The following C2CD2 variants were observed in gnomAD, a reference collection of about 807,000 sequenced individuals.
C2CD2 encodes the protein C2 calcium dependent domain containing 2, also known as C2 domain-containing protein 2.
In C2CD2, 43 loss-of-function variants were observed where a neutral mutation model predicts 74.3. That is an observed-to-expected ratio of 0.58 (90% CI 0.45 to 0.75). The LOEUF (loss-of-function observed/expected upper bound fraction) is 0.75. Ranked by LOEUF, C2CD2 falls within the 30% of genes least tolerant of loss-of-function variation. The pLI, the probability that C2CD2 is intolerant of heterozygous loss-of-function variation, is 0.00. For synonymous variants in C2CD2, 422 were observed against 390.7 expected (o/e 1.08, Z -0.94); for missense variants, 801 against 916.3 (o/e 0.87, Z 1.63).
rs2065243955 is a variant in C2CD2 at position 41,929,358 on chromosome 21, G to A, written c.379-7273C>T. ...GATACAAGCTCTATACCCAGGGCCT[G>A]GGCACACCTGATGCCATCACATGCC... On this transcript the variant is annotated intron_variant, in intron 2 of 13. Transcript: ENST00000380486. This position sits in a 1 kb window ranked among gnomAD's most constrained non-coding sequence, Gnocchi z 4.6. 2.0e-5 allele frequency among the ~76,000 whole-genome samples: 3 copies of A among 152,188 alleles called. No homozygotes were observed. In the South Asian group the frequency reaches 6.2e-4, roughly 31 times the overall value.
chr21:41,948,107 A>C (rs2065417371), intron 1 of C2CD2, among the ~76,000 whole-genome samples: 1 of 152,200 alleles, frequency 6.6e-6, no homozygotes, highest in South Asian at 2.1e-4. Flanking sequence ...GCCTCCTTTA[A>C]TGTTGATGCT....
rs2065470837 is a variant in C2CD2, at chr21:41,953,761, G to A, written c.-113C>T. On this transcript the variant is annotated 5_prime_UTR_variant, in exon 1 of 14. Coordinates refer to ENST00000380486, the MANE Select transcript of C2CD2 (RefSeq NM_015500.2). ...AGCGCGCTGGGGGCGTGGAGGGGGC[G>A]CGGCGGGGTCGGAGCCCGGCGAGGA... The A allele has an allele frequency of 2.4e-5, 25 of 1,040,462 alleles. No individual in the cohort carries two copies. The highest frequency in any genetic ancestry group is 4.4e-5 in the Admixed American group (1 of 22,524). The allele number at this position is 1,040,462 out of a possible 1,614,324, so 64.5% of individuals were successfully genotyped here.
At chr21:41,932,008 C>T (rs2065266626) in intron 2 of C2CD2, among the ~76,000 whole-genome samples, 1 of 130,714 alleles carries the variant, frequency 7.7e-6, no homozygotes, top group East Asian at 2.3e-4. Flanking sequence ...ATCCCACCTC[C>T]CCACCTCCAG....
At chr21:41,918,335 T>A in intron 4 of C2CD2, 108 bp from the exon 5 acceptor site, 2 of 1,049,708 alleles carry the variant, frequency 1.9e-6, no homozygotes, top group South Asian at 1.6e-5. Context: ...AGGAAGGAAA[T>A]TACCTTCAGA....
At chr21:41,891,875 ACCT>A (rs749169095) in intron 13 of C2CD2, among the ~76,000 whole-genome samples, 17 of 151,658 alleles carry the variant, frequency 1.1e-4, no homozygotes, top group Admixed American at 4.6e-4. Flanking sequence ...CTCCTGCTCC[ACCT>A]CCAAAGTCCA....
chr21:41,906,665 C>G (rs1481091464), intron 10 of C2CD2, among the ~76,000 whole-genome samples: 1 of 152,202 alleles, frequency 6.6e-6, no homozygotes, highest in Non-Finnish European at 1.5e-5. Flanking sequence ...GCACCCAGCC[C>G]TATCATTGAG....
intron 2 of C2CD2, among the ~76,000 whole-genome samples, chr21:41,938,928 G>A (rs2065332187): frequency 6.6e-6 from 1 of 152,050 alleles, no homozygotes; most frequent in Non-Finnish European, 1.5e-5. Context: ...ATATTTAGTA[G>A]AGATGGGGTT....
Position 41,899,212 on chromosome 21 carries a change from C to T in C2CD2, c.1711G>A (p.Ala571Thr). The stretch of plus-strand genomic sequence containing the variant: ...AGCTCGTCCTCCTGGGGCTTGGGGG[C>T]AAGGGATGCCTGGGCTGACTCGGCT... ...EEAESAQASL[A>T]PKPQEDELDS... Residue 571 changes from alanine to threonine, a missense_variant, in exon 13 of 14, where the codon GCC (alanine) becomes ACC (threonine). Physicochemically the swap from Ala to Thr is moderately conservative, Grantham distance 58. Transcript: ENST00000380486. This position sits in a 1 kb window ranked among gnomAD's most constrained non-coding sequence, Gnocchi z 4.4. 1 of 1,612,168 alleles carries T rather than the reference C, an allele frequency of 6.2e-7. No individual in the cohort carries two copies. The highest frequency in any genetic ancestry group is 1.1e-5 in the South Asian group (1 of 90,908).
At position 41,945,683 on chromosome 21, in the gene C2CD2, T is replaced by C. The variant is rs556554342; in HGVS notation, c.280-3438A>G. ...CAGAGGGAGGGAGGTAACTGGATCA[T>C]GGGGCAGTCTCTCCCATACTGTTCT... On this transcript the variant is annotated intron_variant, in intron 1 of 13. Transcript: ENST00000380486. The surrounding 1 kb of genome is among the most constrained non-coding windows in gnomAD (Gnocchi z 4.2). Among the ~76,000 whole-genome samples the C allele has an allele frequency of 2.0e-5, 3 of 152,268 alleles. No individual in the cohort carries two copies. Among genetic ancestry groups the C allele is most frequent in the South Asian group, 2.1e-4 (1 of 4,820 alleles).
chr21:41,949,583 G>A (rs2065433281), intron 1 of C2CD2, among the ~76,000 whole-genome samples: 1 of 152,182 alleles, frequency 6.6e-6, no homozygotes, highest in Non-Finnish European at 1.5e-5. Flanking sequence ...ACAGTGTGAC[G>A]ATTCCTCAAG....
intron 6 of C2CD2, among the ~76,000 whole-genome samples, chr21:41,913,182 TTC>T (rs1405264043): frequency 6.7e-6 from 1 of 148,382 alleles, no homozygotes; most frequent in Non-Finnish European, 1.5e-5. Context: ...GAGTTCCCAT[TTC>T]CCGACTTACA....
intron 2 of C2CD2, among the ~76,000 whole-genome samples, chr21:41,934,468 T>C (rs2065289507): frequency 6.6e-6 from 1 of 152,234 alleles, no homozygotes; most frequent in South Asian, 2.1e-4. Flanking sequence ...GCTGCTTTTC[T>C]GACACTATGT....
chr21:41,921,979 T>C lies in C2CD2; in HGVS notation c.485A>G (p.His162Arg). 1 of 1,608,990 alleles carries C rather than the reference T, an allele frequency of 6.2e-7. No homozygotes were observed. Among genetic ancestry groups the C allele is most frequent in the Non-Finnish European group, 8.5e-7 (1 of 1,175,526 alleles). The change falls in exon 3 of 14, where the codon CAT (histidine) becomes CGT (arginine). Residue 162 changes from histidine (H) to arginine (R), a missense_variant. His to Arg is a conservative substitution (Grantham distance 29, BLOSUM62 0). Transcript: ENST00000380486. ...AAGTCTACACATCTTTACCTGTAAA[T>C]GGAAAGGGGAGAGCCGCATGTCGTA... ...RLYDMRLSPF[H>R]LQLEFHMKEK...
At chr21:41,946,662 C>A (rs1009620943) in intron 1 of C2CD2, among the ~76,000 whole-genome samples, 1 of 152,138 alleles carries the variant, frequency 6.6e-6, no homozygotes, top group African/African-American at 2.4e-5. Flanking sequence ...TCTGGCAATG[C>A]AAGAAGGGAC....
chr21:41,903,755 G>A lies in C2CD2; in HGVS notation c.1432+1969C>T, dbSNP rs2064927459. ...CCGGTCCAGGTGCCAGGTGCAGCCT[G>A]CACCGTGGCAGGTGAGCCTGGGGGC... On this transcript the variant is annotated intron_variant, in intron 11 of 13. Transcript: ENST00000380486. The surrounding 1 kb of genome is among the most constrained non-coding windows in gnomAD (Gnocchi z 4.5). Among the ~76,000 whole-genome samples the A allele has an allele frequency of 1.3e-5, 2 of 152,098 alleles. No homozygotes were observed. The highest frequency in any genetic ancestry group is 1.3e-4 in the Admixed American group (2 of 15,286).
In C2CD2 at chr21:41,922,071, G is replaced by A. The variant is rs371508303; in HGVS notation, c.393C>T (p.His131=). The change falls in exon 3 of 14, where the codon CAC becomes CAT. Residue 131 remains histidine, a synonymous_variant. Transcript: ENST00000380486. ...RSAEEKVVVC[H]VVGQAIQFLV... is the part of the protein sequence containing the mutation. Reference sequence around the variant, plus strand: ...AGAACTGAATAGCCTGGCCCACCACGTGACAGACCACCACCTGGAGGAGGC... The same window carrying A: ...AGAACTGAATAGCCTGGCCCACCACATGACAGACCACCACCTGGAGGAGGC... The A allele has an allele frequency of 1.9e-5, 31 of 1,611,974 alleles. No homozygotes were observed. The highest frequency in any genetic ancestry group is 1.6e-4 in the Middle Eastern group (1 of 6,078).
rs764977701 is a variant in C2CD2, at chr21:41,939,652, C to T, written c.378+2495G>A. Among the ~76,000 whole-genome samples the T allele has an allele frequency of 1.5e-4, 23 of 152,230 alleles. No individual in the cohort carries two copies. Among genetic ancestry groups the T allele is most frequent in the Non-Finnish European group, 3.2e-4 (22 of 68,040 alleles). ...CTGTGCCAGTCTCAGCATCCCGCAC[C>T]GCTGCCATGGGCTTCCTCCTGCAAC... On this transcript the variant is annotated intron_variant, in intron 2 of 13. Coordinates refer to ENST00000380486, the MANE Select transcript of C2CD2 (RefSeq NM_015500.2). The surrounding 1 kb of genome is among the most constrained non-coding windows in gnomAD (Gnocchi z 5.5).
chr21:41,890,875 C>T (rs1004928224), intron 13 of C2CD2, among the ~76,000 whole-genome samples: 5 of 152,124 alleles, frequency 3.3e-5, no homozygotes, highest in African/African-American at 9.7e-5. Flanking sequence ...AGCATGTGCC[C>T]CTGAGCCTGA....
At chr21:41,905,395 G>A (rs532371222) in intron 11 of C2CD2, among the ~76,000 whole-genome samples, 1 of 146,560 alleles carries the variant, frequency 6.8e-6, no homozygotes, top group African/African-American at 2.6e-5. Context: ...TCGGCTCACT[G>A]CAACCTCTGC....
Sources: allele counts gnomAD v4.1 joint callset (sites outside exome capture counted in the v4.1 genomes callset), GRCh38; gene constraint gnomAD v4.1.1; non-coding constraint Gnocchi (gnomAD v3.1); transcripts MANE v1.5; gene names NCBI Gene and HGNC (gene_info 2026-07-23, HGNC 2026-07-21).